Variants in STX7 observed in about 807,000 individuals in gnomAD.
STX7 encodes syntaxin-7.
A neutral mutation model predicts 39.6 loss-of-function variants in STX7; 34 were observed. That is an observed-to-expected ratio of 0.86 (90% CI 0.65 to 1.14). The LOEUF (loss-of-function observed/expected upper bound fraction) is 1.14. STX7 is among the 50% of genes most tolerant of loss of function. The pLI, the probability that STX7 is intolerant of heterozygous loss-of-function variation, is 0.00. For missense variants in STX7, 284 were observed against 310.4 expected, an observed-to-expected ratio of 0.92 and a Z score of 0.64; for synonymous variants, 119 against 99.1, an observed-to-expected ratio of 1.20 and a Z score of -1.19.
intron 9 of STX7, among the ~76,000 whole-genome samples, chr6:132,462,837 G>A (rs1331791902): frequency 6.6e-6 from 1 of 152,140 alleles, no homozygotes; most frequent in Non-Finnish European, 1.5e-5. Context: ...AAGATGGACT[G>A]TGAAATAAAG....
At chr6:132,478,697 C>T (rs1372394630) in intron 2 of STX7, among the ~76,000 whole-genome samples, 1 of 152,222 alleles carries the variant, frequency 6.6e-6, no homozygotes, top group African/African-American at 2.4e-5. Flanking sequence ...GTGACTCCAA[C>T]TGCACTGTTC....
chr6:132,464,080 A>T lies in STX7; in HGVS notation c.611-5T>A. On this transcript the variant is annotated splice_region_variant and splice_polypyrimidine_tract_variant and intron_variant, in intron 8 of 9. Transcript: ENST00000367941. Reference sequence around the variant, plus strand: ...CCACATTGGCTTCTATGCTATCTGTAAAATAAAACACACACACACAAATGT... The same window carrying T: ...CCACATTGGCTTCTATGCTATCTGTTAAATAAAACACACACACACAAATGT... The T allele has an allele frequency of 6.2e-7, 1 of 1,613,250 alleles. No individual in the cohort carries two copies. The highest frequency in any genetic ancestry group is 8.5e-7 in the Non-Finnish European group (1 of 1,179,384).
At chr6:132,462,198 T>A (rs1774424773) in intron 9 of STX7, among the ~76,000 whole-genome samples, 1 of 152,204 alleles carries the variant, frequency 6.6e-6, no homozygotes, top group South Asian at 2.1e-4. Context: ...CCTGGGGCAA[T>A]GTGGTGATAA....
chr6:132,508,807 T>C (rs955317752), intron 1 of STX7, among the ~76,000 whole-genome samples: 2 of 152,124 alleles, frequency 1.3e-5, no homozygotes, highest in African/African-American at 2.4e-5. Context: ...CCACTGTATC[T>C]AGCCAGGAAT....
intron 9 of STX7, among the ~76,000 whole-genome samples, chr6:132,463,010 C>T (rs549586757): frequency 6.6e-6 from 1 of 152,016 alleles, no homozygotes; most frequent in Middle Eastern, 3.4e-3. Context: ...TCGCTTGAGC[C>T]CAGGAGTTCC....
intron 1 of STX7, among the ~76,000 whole-genome samples, chr6:132,507,744 T>C (rs1016589825): frequency 6.6e-6 from 1 of 152,248 alleles, no homozygotes; most frequent in Non-Finnish European, 1.5e-5. Flanking sequence ...TCTTCCTTTC[T>C]CCTTTCCCTC....
Position 132,448,884 on chromosome 6 carries a change from A to T in STX7, c.*11874T>A. 1 of 149,802 alleles carries T rather than the reference A, an allele frequency of 6.7e-6. No individual in the cohort carries two copies. The allele number at this position is 149,802 out of a possible 1,614,324, so 9.3% of individuals were successfully genotyped here. Reference sequence around the variant, plus strand: ...AGGTCTGTCAATTCGTTATTCCTTTAAAAGTGGATAAGTTATTCTGGCTGC... The same window carrying T: ...AGGTCTGTCAATTCGTTATTCCTTTTAAAGTGGATAAGTTATTCTGGCTGC... On this transcript the variant is annotated 3_prime_UTR_variant, in exon 10 of 10. Coordinates refer to ENST00000367941, the MANE Select transcript of STX7 (RefSeq NM_003569.3).
intron 2 of STX7, among the ~76,000 whole-genome samples, chr6:132,489,615 A>T (rs1187392841): frequency 6.6e-6 from 1 of 152,192 alleles, no homozygotes; most frequent in African/African-American, 2.4e-5. Flanking sequence ...AAGTGTGGGA[A>T]GGGAGATGGA....
At chr6:132,510,135 G>A (rs911595228) in intron 1 of STX7, among the ~76,000 whole-genome samples, 5 of 152,232 alleles carry the variant, frequency 3.3e-5, no homozygotes, top group Non-Finnish European at 5.9e-5. Flanking sequence ...ATACAGCTAG[G>A]TAGGAGGAAT....
In STX7 at chr6:132,449,515, T is replaced by A. The variant is rs1340403408; in HGVS notation, c.*11243A>T. 3.3e-5 allele frequency: 5 copies of A among 152,284 alleles called. No individual in the cohort carries two copies. The highest frequency in any genetic ancestry group is 2.0e-4 in the Admixed American group (3 of 15,274). 9.4% of individuals were successfully genotyped at this position (152,284 alleles called of 1,614,324 possible). A position where few individuals can be genotyped will look rare whatever the true frequency, so the allele number is the denominator to read the frequency against. On this transcript the variant is annotated 3_prime_UTR_variant, in exon 10 of 10. Coordinates refer to ENST00000367941, the MANE Select transcript of STX7 (RefSeq NM_003569.3). ...TACTTCTTAGACTCCAATCAGCACA[T>A]ATTAAACCTTCCCATTCTATCCTTC...
intron 2 of STX7, among the ~76,000 whole-genome samples, chr6:132,503,098 T>C (rs1163768815): frequency 6.6e-6 from 1 of 152,210 alleles, no homozygotes; most frequent in Non-Finnish European, 1.5e-5. Flanking sequence ...TTGGTAGTGC[T>C]ACCTGGTTCC....
At chr6:132,471,407 T>A in intron 5 of STX7, 56 bp downstream of exon 5, 2 of 1,552,130 alleles carry the variant, frequency 1.3e-6, no homozygotes, top group Non-Finnish European at 1.7e-6. Context: ...TAGACTTTTA[T>A]GGGACCCTTA....
intron 2 of STX7, among the ~76,000 whole-genome samples, chr6:132,501,139 G>A (rs548376991): frequency 5.0e-4 from 75 of 150,250 alleles, no homozygotes; most frequent in African/African-American, 1.7e-3. Context: ...TGCAACCTCC[G>A]CCTCCCAGGT....
chr6:132,472,449 CAA>C, intron 3 of STX7, 74 bp from the exon 4 acceptor site: 1 of 1,145,462 alleles, frequency 8.7e-7, no homozygotes, highest in Non-Finnish European at 1.2e-6. Flanking sequence ...CCTTTTGAAT[CAA>C]CACTGATAAA....
At chr6:132,475,327 T>C (rs1774846125) in intron 3 of STX7, 2 of 218,124 alleles carry the variant, frequency 9.2e-6, no homozygotes, top group African/African-American at 4.6e-5. Context: ...TTTCACCATA[T>C]TGGCCAGGTT....
intron 2 of STX7, among the ~76,000 whole-genome samples, chr6:132,483,490 T>C (rs748557209): frequency 5.3e-5 from 8 of 152,200 alleles, no homozygotes; most frequent in Non-Finnish European, 1.0e-4. Flanking sequence ...GTACACTGAG[T>C]TGAAGTTCTT....
Position 132,449,038 on chromosome 6 carries a change from G to T in STX7, c.*11720C>A, listed in dbSNP as rs941721358. The T allele has an allele frequency of 6.6e-6, 1 of 150,722 alleles. No homozygotes were observed. Among genetic ancestry groups the T allele is most frequent in the Admixed American group, 6.6e-5 (1 of 15,086 alleles). The allele number at this position is 150,722 out of a possible 1,614,324, so 9.3% of individuals were successfully genotyped here. A position where few individuals can be genotyped will look rare whatever the true frequency, so the allele number is the denominator to read the frequency against. On this transcript the variant is annotated 3_prime_UTR_variant, in exon 10 of 10. Transcript: ENST00000367941. Reference sequence around the variant, plus strand: ...ATCCACTTTTTTTTTTTTTAGACAGGGTACAGTGGCACCATCATAGCTCAC... The same window carrying T: ...ATCCACTTTTTTTTTTTTTAGACAGTGTACAGTGGCACCATCATAGCTCAC...
chr6:132,471,463 A>C lies in STX7; in HGVS notation c.387T>G (p.Ser129=), dbSNP rs2114378242. ...CTAGAATGTCTTTTAAAATACTTAC[A>C]GACACTCTGGAACTGGCTCTTACTC... is the stretch of plus-strand genomic sequence containing the variant. The part of the protein sequence containing the change: ...VARVRASSRV[S]GSFPEDSSKE... Residue 129 remains serine (S), a splice_region_variant and synonymous_variant, in exon 5 of 10, where the codon TCT becomes TCG. Coordinates refer to ENST00000367941, the MANE Select transcript of STX7 (RefSeq NM_003569.3). 2 of 1,612,782 alleles carry C rather than the reference A, an allele frequency of 1.2e-6. No individual in the cohort carries two copies. Among genetic ancestry groups the C allele is most frequent in the Non-Finnish European group, 1.7e-6 (2 of 1,179,514 alleles).
At chr6:132,509,518 A>C (rs9375893) in intron 1 of STX7, among the ~76,000 whole-genome samples, 1,486 of 140,126 alleles carry the variant, frequency 0.011, 50 homozygotes, top group Non-Finnish European at 0.016. Context: ...ATAACATAAA[A>C]TAAAAAAAGA....
Sources: gnomAD v4.1 joint callset for allele counts (sites outside exome capture counted in the v4.1 genomes callset) on GRCh38, gnomAD v4.1.1 for gene constraint, MANE v1.5 for transcripts, NCBI Gene and HGNC (gene_info 2026-07-23, HGNC 2026-07-21) for gene names.